PLXDC2: variants seen among roughly 807,000 people sequenced by gnomAD.
PLXDC2 encodes plexin domain-containing protein 2.
In PLXDC2, 40 loss-of-function variants were observed where a neutral mutation model predicts 68.9. The ratio of observed to expected loss-of-function variants is 0.58; its 90% CI spans 0.45 to 0.76. The LOEUF (loss-of-function observed/expected upper bound fraction) is 0.76, where lower values mean the gene tolerates loss of function less well. Ranked by LOEUF, PLXDC2 falls within the 30% of genes least tolerant of loss-of-function variation. The pLI is 0.00. For synonymous variants in PLXDC2, 243 were observed against 234.2 expected, an observed-to-expected ratio of 1.04 and a Z score of -0.34; for missense variants, 644 against 661.9, an observed-to-expected ratio of 0.97 and a Z score of 0.30.
chr10:20,086,670 G>A (rs1177828342), intron 4 of PLXDC2, among the ~76,000 whole-genome samples: 1 of 152,098 alleles, frequency 6.6e-6, no homozygotes, highest in African/African-American at 2.4e-5. Context: ...ATGGTACATA[G>A]AAGAGAAGGT....
At chr10:20,050,347 C>T (rs1381360048) in intron 3 of PLXDC2, among the ~76,000 whole-genome samples, 2 of 151,916 alleles carry the variant, frequency 1.3e-5, no homozygotes, top group African/African-American at 2.4e-5. Context: ...ACAATGAAAG[C>T]AAAAATTAAC....
At chr10:19,859,025 A>AGG (rs1294469232) in intron 1 of PLXDC2, among the ~76,000 whole-genome samples, 7 of 150,446 alleles carry the variant, frequency 4.7e-5, no homozygotes, top group African/African-American at 1.7e-4. Context: ...GCAGCGAGAG[A>AGG]GAGAGAGAGA....
At chr10:19,933,207 C>T (rs1415399119) in intron 1 of PLXDC2, among the ~76,000 whole-genome samples, 1 of 152,120 alleles carries the variant, frequency 6.6e-6, no homozygotes, top group African/African-American at 2.4e-5. Flanking sequence ...TTTTCTGTTT[C>T]CTCTTTTTCT....
intron 4 of PLXDC2, among the ~76,000 whole-genome samples, chr10:20,094,441 A>G (rs1441854409): frequency 6.6e-6 from 1 of 152,178 alleles, no homozygotes; most frequent in Admixed American, 6.5e-5. Flanking sequence ...TAGACAAGAG[A>G]TTCTATAGCA....
At chr10:20,128,467 G>C (rs1833821805) in intron 4 of PLXDC2, among the ~76,000 whole-genome samples, 1 of 152,084 alleles carries the variant, frequency 6.6e-6, no homozygotes, top group Non-Finnish European at 1.5e-5. Context: ...CTATAAGCTT[G>C]ATTAATATAT....
intron 1 of PLXDC2, among the ~76,000 whole-genome samples, chr10:19,939,707 A>T (rs1833785461): frequency 6.6e-6 from 1 of 152,210 alleles, no homozygotes; most frequent in Non-Finnish European, 1.5e-5. Flanking sequence ...GAAAGCATAC[A>T]TTAAAGGAAA....
intron 7 of PLXDC2, among the ~76,000 whole-genome samples, chr10:20,165,806 T>C (rs1834366966): frequency 6.6e-6 from 1 of 152,166 alleles, no homozygotes; most frequent in South Asian, 2.1e-4. Context: ...CAACTGTTTG[T>C]TATATTAGAA....
At chr10:19,830,432 C>A (rs1450500424) in intron 1 of PLXDC2, among the ~76,000 whole-genome samples, 1 of 152,024 alleles carries the variant, frequency 6.6e-6, no homozygotes, top group Non-Finnish European at 1.5e-5. Context: ...TTTTTCTTAC[C>A]TTGGCTTTTA....
chr10:19,866,219 A>G (rs1837413500), intron 1 of PLXDC2, among the ~76,000 whole-genome samples: 1 of 152,188 alleles, frequency 6.6e-6, no homozygotes, highest in Non-Finnish European at 1.5e-5. Context: ...AACAACACAA[A>G]TTTATTGTCC....
At chr10:20,155,148 A>G (rs1834201554) in intron 6 of PLXDC2, among the ~76,000 whole-genome samples, 1 of 152,182 alleles carries the variant, frequency 6.6e-6, no homozygotes, top group Admixed American at 6.5e-5. Context: ...AATTAGTTGT[A>G]AGTTTCAATG....
chr10:20,051,387 A>AAAGGTT (rs1465776786), intron 3 of PLXDC2, among the ~76,000 whole-genome samples: 2 of 137,900 alleles, frequency 1.5e-5, no homozygotes, highest in Non-Finnish European at 3.1e-5. Flanking sequence ...ACCCTAAAAT[A>AAAGGTT]AAGGTTAAAT....
At chr10:19,845,853 C>T (rs1836998900) in intron 1 of PLXDC2, among the ~76,000 whole-genome samples, 1 of 152,076 alleles carries the variant, frequency 6.6e-6, no homozygotes, top group South Asian at 2.1e-4. Context: ...CAGTAACTCC[C>T]AGGTGTTACC....
At chr10:19,923,664 A>C (rs192586899) in intron 1 of PLXDC2, among the ~76,000 whole-genome samples, 1 of 152,324 alleles carries the variant, frequency 6.6e-6, no homozygotes, top group East Asian at 1.9e-4. Flanking sequence ...TTTCATGTGA[A>C]AAGATTGATT....
intron 7 of PLXDC2, among the ~76,000 whole-genome samples, chr10:20,172,975 G>T (rs1170218667): frequency 6.6e-6 from 1 of 152,182 alleles, no homozygotes; most frequent in South Asian, 2.1e-4. Context: ...TCTGGCAAAT[G>T]CATTTTTTAT....
At chr10:20,023,138 A>G (rs1395336596) in intron 2 of PLXDC2, among the ~76,000 whole-genome samples, 2 of 55,312 alleles carry the variant, frequency 3.6e-5, no homozygotes, top group Non-Finnish European at 8.6e-5. Context: ...TATCCACAAT[A>G]CAATGTTTAT....
chr10:20,100,441 G>C (rs1282549757), intron 4 of PLXDC2, among the ~76,000 whole-genome samples: 1 of 152,136 alleles, frequency 6.6e-6, no homozygotes, highest in Non-Finnish European at 1.5e-5. Context: ...TGATGTCAGT[G>C]ATTTTTTTTT....
intron 2 of PLXDC2, among the ~76,000 whole-genome samples, chr10:20,025,664 T>C (rs1416980302): frequency 6.6e-6 from 1 of 152,104 alleles, no homozygotes; most frequent in African/African-American, 2.4e-5. Flanking sequence ...CTTTTTTTTA[T>C]ATGTTTGTTG....
intron 4 of PLXDC2, among the ~76,000 whole-genome samples, chr10:20,132,166 C>G (rs1021548914): frequency 6.6e-6 from 1 of 152,158 alleles, no homozygotes; most frequent in African/African-American, 2.4e-5. Context: ...CAATTTTCCT[C>G]CTCTTATTGA....
chr10:20,070,316 T>C (rs1014115494), intron 4 of PLXDC2, among the ~76,000 whole-genome samples: 7 of 152,182 alleles, frequency 4.6e-5, no homozygotes, highest in African/African-American at 1.7e-4. Context: ...CAACTATTTG[T>C]GTGAAAAATA....
Sources: gnomAD v4.1 joint callset for allele counts (sites outside exome capture counted in the v4.1 genomes callset) on GRCh38, gnomAD v4.1.1 for gene constraint, MANE v1.5 for transcripts, NCBI Gene and HGNC (gene_info 2026-07-23, HGNC 2026-07-21) for gene names.